The following MAGI1 variants were observed in gnomAD, a reference collection of about 807,000 sequenced individuals.
The protein encoded by MAGI1 is membrane associated guanylate kinase, WW and PDZ domain containing 1, also known as membrane-associated guanylate kinase, WW and PDZ domain-containing protein 1.
MAGI1 carries 58 observed loss-of-function variants against 139.9 expected under a neutral mutation model. The observed-to-expected ratio is 0.41, with a 90% CI of 0.34 to 0.52. The LOEUF is 0.52. Among genes scored for constraint, MAGI1 ranks in the 20% least tolerant of loss-of-function variants. The probability of loss-of-function intolerance (pLI) is 0.12; values close to 1 mark genes in which losing one functional copy is unlikely to be tolerated. For synonymous variants in MAGI1, 812 were observed against 737.9 expected (o/e 1.10, Z -1.63); for missense variants, 1,874 against 1,901.6 (o/e 0.99, Z 0.27).
At chr3:65,423,092 A>G (rs184597087) in intron 12 of MAGI1, among the ~76,000 whole-genome samples, 1 of 152,308 alleles carries the variant, frequency 6.6e-6, no homozygotes, top group East Asian at 1.9e-4. Context: ...CTGAGAAGGG[A>G]GAACTGGCAG....
At chr3:65,460,356 T>C (rs1272244621) in intron 5 of MAGI1, among the ~76,000 whole-genome samples, 1 of 152,180 alleles carries the variant, frequency 6.6e-6, no homozygotes. Context: ...ATTAGCTTCA[T>C]AAAAATAACT....
Position 65,356,582 on chromosome 3 carries a change from C to G in MAGI1, c.4185G>C (p.Arg1395Ser), listed in dbSNP as rs755614336. 5 of 1,599,906 alleles carry G rather than the reference C, an allele frequency of 3.1e-6. No homozygotes were observed. Among genetic ancestry groups the G allele is most frequent in the Non-Finnish European group, 2.6e-6 (3 of 1,173,618 alleles). The change falls in exon 23 of 23, where the codon AGG becomes AGC. Residue 1395 changes from arginine (R) to serine (S), a missense_variant. This residue lies in a region of MAGI1 where 653 missense variants were observed against 644.5 expected (regional missense o/e 1.01). Coordinates refer to ENST00000402939, the MANE Select transcript of MAGI1 (RefSeq NM_001033057.2). ...ERRRGGSPER[R>S]AKSTDRRRAR... is the part of the protein sequence containing the mutation. The stretch of plus-strand genomic sequence containing the variant: ...CGCGCCTCCGGTCGGTGGACTTGGC[C>G]CTGCGCTCGGGCGAGCCCCCTCTCC...
intron 1 of MAGI1, among the ~76,000 whole-genome samples, chr3:65,768,565 A>C (rs2037685812): frequency 6.6e-6 from 1 of 152,250 alleles, no homozygotes; most frequent in Non-Finnish European, 1.5e-5. Context: ...TTGAAATCAA[A>C]TAGCAGAAAG....
intron 1 of MAGI1, among the ~76,000 whole-genome samples, chr3:66,013,653 C>A (rs565690293): frequency 6.7e-6 from 1 of 149,786 alleles, no homozygotes; most frequent in Non-Finnish European, 1.5e-5. Context: ...CCCAGCTACT[C>A]GGGAGACTGA....
intron 6 of MAGI1, among the ~76,000 whole-genome samples, chr3:65,449,691 G>A (rs1032728460): frequency 2.0e-5 from 3 of 152,084 alleles, no homozygotes; most frequent in Non-Finnish European, 4.4e-5. Context: ...CAGGAGAATC[G>A]CTTGAACAGG....
At chr3:65,723,337 T>C (rs1264148915) in intron 1 of MAGI1, among the ~76,000 whole-genome samples, 1 of 152,174 alleles carries the variant, frequency 6.6e-6, no homozygotes, top group Non-Finnish European at 1.5e-5. Context: ...ACCAAGATGC[T>C]TCAATCCTGG....
At chr3:65,468,026 C>T (rs922080562) in intron 5 of MAGI1, among the ~76,000 whole-genome samples, 6 of 152,170 alleles carry the variant, frequency 3.9e-5, no homozygotes, top group African/African-American at 1.2e-4. Flanking sequence ...TCCTCTAATT[C>T]TTACAACAGT....
intron 1 of MAGI1, among the ~76,000 whole-genome samples, chr3:65,638,892 C>A (rs989179076): frequency 6.6e-6 from 1 of 152,066 alleles, no homozygotes; most frequent in African/African-American, 2.4e-5. Context: ...CAAGCGTGAG[C>A]CACCAGGCGT....
chr3:65,846,431 G>C (rs111879535), intron 1 of MAGI1, among the ~76,000 whole-genome samples: 2,211 of 152,288 alleles, frequency 0.015, 22 homozygotes, highest in Non-Finnish European at 0.02. Context: ...ACCTTAGTAA[G>C]TTACTTAGCT....
intron 1 of MAGI1, among the ~76,000 whole-genome samples, chr3:65,817,503 T>A (rs1398600340): frequency 6.6e-6 from 1 of 152,152 alleles, no homozygotes; most frequent in Non-Finnish European, 1.5e-5. Flanking sequence ...AGAGCTTAGC[T>A]TCAAAAATTA....
intron 1 of MAGI1, among the ~76,000 whole-genome samples, chr3:65,811,957 T>TGAGAGA (rs1313372454): frequency 5.3e-5 from 8 of 150,348 alleles, no homozygotes; most frequent in Admixed American, 2.0e-4. Flanking sequence ...TGTGTGTGTG[T>TGAGAGA]GTGAGAGAGA....
intron 1 of MAGI1, among the ~76,000 whole-genome samples, chr3:65,913,382 C>T (rs755648538): frequency 2.6e-5 from 4 of 152,042 alleles, no homozygotes; most frequent in Non-Finnish European, 4.4e-5. Flanking sequence ...TTCCTCCTCC[C>T]CAACCCCCCC....
At chr3:65,839,999 C>A (rs971874378) in intron 1 of MAGI1, among the ~76,000 whole-genome samples, 1 of 152,054 alleles carries the variant, frequency 6.6e-6, no homozygotes, top group Non-Finnish European at 1.5e-5. Context: ...TAGAGTTATA[C>A]CTAAGTATAC....
chr3:65,709,142 G>A (rs1052742334), intron 1 of MAGI1, among the ~76,000 whole-genome samples: 14 of 152,262 alleles, frequency 9.2e-5, no homozygotes, highest in Admixed American at 2.6e-4. Flanking sequence ...CTACATGGCC[G>A]TTCTCTTTTG....
chr3:65,636,632 A>G (rs1041713980), intron 1 of MAGI1, among the ~76,000 whole-genome samples: 3 of 151,944 alleles, frequency 2.0e-5, no homozygotes, highest in Non-Finnish European at 4.4e-5. Context: ...TTTTTTCTTG[A>G]CTAAAGAGCA....
At chr3:65,739,853 AC>A (rs2035106879) in intron 1 of MAGI1, among the ~76,000 whole-genome samples, 1 of 152,222 alleles carries the variant, frequency 6.6e-6, no homozygotes. Context: ...ATCACAGATC[AC>A]CAAGACAGAC....
At position 65,548,511 on chromosome 3, in the gene MAGI1, C is replaced by CTTTTTTTTTTTTTTTTTT. The variant is rs1170215972; in HGVS notation, c.431-54898_431-54881dup. Among the ~76,000 whole-genome samples, 19 of 87,388 alleles carry CTTTTTTTTTTTTTTTTTT rather than the reference C, an allele frequency of 2.2e-4. 1 individual carries two copies. The highest frequency in any genetic ancestry group is 7.6e-4 in the Admixed American group (5 of 6,596). 57.3% of individuals were successfully genotyped at this position (87,388 alleles called of 152,430 possible). A position where few individuals can be genotyped will look rare whatever the true frequency, so the allele number is the denominator to read the frequency against. On this transcript the variant is annotated intron_variant, in intron 2 of 22. Transcript: ENST00000402939. The stretch of plus-strand genomic sequence containing the variant: ...AGCCCAGCTTTATGCAAACAACACT[C>CTTTTTTTTTTTTTTTTTT]TTTTTTTTTTTTTTTTTTTTTTTTT...
chr3:65,467,130 C>A (rs576309438), intron 5 of MAGI1, among the ~76,000 whole-genome samples: 10 of 152,290 alleles, frequency 6.6e-5, no homozygotes, highest in African/African-American at 2.4e-4. Flanking sequence ...TGCTCCCTAG[C>A]CAGTCTGTCT....
At position 65,453,322 on chromosome 3, in the gene MAGI1, T is replaced by C. The variant is rs147479917; in HGVS notation, c.978A>G (p.Thr326=). 5.2e-5 allele frequency: 84 copies of C among 1,611,874 alleles called. No homozygotes were observed. The highest frequency in any genetic ancestry group is 6.8e-5 in the Non-Finnish European group (80 of 1,179,748). Residue 326 remains threonine (T), a synonymous_variant, in exon 6 of 23, where the codon ACA becomes ACG. Transcript: ENST00000402939. The part of the protein sequence containing the change: ...VYFIDHNTKT[T]SWLDPRCLNK... ...TTAGGCACCGAGGGTCTAACCAAGA[T>C]GTTGTTTTCGTGTTATGGCTGCAAT...
Sources: allele counts gnomAD v4.1 joint callset (sites outside exome capture counted in the v4.1 genomes callset), GRCh38; gene constraint gnomAD v4.1.1; regional missense constraint gnomAD v4.1.1; transcripts MANE v1.5; gene names NCBI Gene and HGNC (gene_info 2026-07-23, HGNC 2026-07-21).